HMCN1: variants seen among roughly 807,000 people sequenced by gnomAD.
The protein encoded by HMCN1 is hemicentin-1.
In HMCN1, 321 loss-of-function variants were observed where a neutral mutation model predicts 625.9. The ratio of observed to expected loss-of-function variants is 0.51; its 90% CI spans 0.47 to 0.56. The LOEUF (loss-of-function observed/expected upper bound fraction) is 0.56, where lower values mean the gene tolerates loss of function less well. Ranked by LOEUF, HMCN1 falls within the 20% of genes least tolerant of loss-of-function variation. The pLI is 0.00. For synonymous variants in HMCN1, 2,425 were observed against 2,417.6 expected (o/e 1.00, Z -0.09); for missense variants, 6,588 against 6,887.3 (o/e 0.96, Z 1.54).
intron 11 of HMCN1, among the ~76,000 whole-genome samples, chr1:185,961,590 A>G (rs966521613): frequency 6.6e-6 from 1 of 152,234 alleles, no homozygotes; most frequent in Admixed American, 6.5e-5. Context: ...ATTAGGAGCT[A>G]CTTAATATCT....
At chr1:185,771,070 A>G (rs1204607294) in intron 1 of HMCN1, among the ~76,000 whole-genome samples, 1 of 152,156 alleles carries the variant, frequency 6.6e-6, no homozygotes, top group Non-Finnish European at 1.5e-5. Context: ...TTGTTATTCA[A>G]ATCCCATTTT....
chr1:186,035,296 A>G (rs1655746132), intron 36 of HMCN1, among the ~76,000 whole-genome samples: 1 of 152,152 alleles, frequency 6.6e-6, no homozygotes. Flanking sequence ...TTCTGGGGTG[A>G]GTCTTTAGGA....
intron 4 of HMCN1, among the ~76,000 whole-genome samples, chr1:185,904,117 G>A (rs190067365): frequency 3.4e-4 from 51 of 151,900 alleles, no homozygotes; most frequent in Non-Finnish European, 6.9e-4. Context: ...TCAAATGAAC[G>A]ACAGATTCAA....
chr1:186,007,167 C>G lies in HMCN1; in HGVS notation c.4515C>G (p.Asp1505Glu), dbSNP rs146532107. The stretch of plus-strand genomic sequence containing the variant: ...GCGATCCTAATGTTGAACTTCTAGA[C>G]AGAGGACAAGTCTTACATTTAAAGA... ...FLGDPNVELLDRGQVLHLKNA... is the reference protein window; with the variant it reads ...FLGDPNVELLERGQVLHLKNA... The change falls in exon 30 of 107, where the codon GAC (aspartate) becomes GAG (glutamate). Residue 1505 changes from aspartate to glutamate, a missense_variant. Around this residue, in one of 3 missense-constraint regions of HMCN1, gnomAD observed 4,628 missense variants for 4,853.1 expected, o/e 0.95. Transcript: ENST00000271588. 1.9e-3 allele frequency: 3,036 copies of G among 1,613,014 alleles called. 31 individuals carry two copies. Among genetic ancestry groups the G allele is most frequent in the South Asian group, 0.016 (1,451 of 91,036 alleles).
intron 1 of HMCN1, among the ~76,000 whole-genome samples, chr1:185,815,702 C>T (rs1228844388): frequency 2.7e-5 from 4 of 149,886 alleles, no homozygotes; most frequent in Non-Finnish European, 5.9e-5. Flanking sequence ...TTAGTATGTT[C>T]AGCAACACAT....
intron 97 of HMCN1, among the ~76,000 whole-genome samples, chr1:186,156,136 A>T (rs1336245879): frequency 6.6e-6 from 1 of 152,136 alleles, no homozygotes; most frequent in Non-Finnish European, 1.5e-5. Context: ...AAAATTAATT[A>T]TAAAGTATAT....
At chr1:185,975,319 C>T (rs1558109211) in intron 15 of HMCN1, among the ~76,000 whole-genome samples, 1 of 152,094 alleles carries the variant, frequency 6.6e-6, no homozygotes, top group Non-Finnish European at 1.5e-5. Context: ...GCAGGCTCTA[C>T]AGAAAGCATG....
intron 1 of HMCN1, among the ~76,000 whole-genome samples, chr1:185,814,277 C>T (rs537726018): frequency 1.3e-5 from 2 of 151,946 alleles, no homozygotes; most frequent in Admixed American, 1.3e-4. Flanking sequence ...GTTTTATTCC[C>T]TTACCTTTCA....
At chr1:185,975,303 C>T (rs766002035) in intron 15 of HMCN1, among the ~76,000 whole-genome samples, 21 of 152,134 alleles carry the variant, frequency 1.4e-4, no homozygotes, top group Non-Finnish European at 2.8e-4. Flanking sequence ...ATTGGCTCAC[C>T]GTTCTGCAGG....
rs372050846 is a variant in HMCN1 at position 185,988,099 on chromosome 1, A to T, written c.3048+555A>T. Among the ~76,000 whole-genome samples the T allele has an allele frequency of 7.9e-5, 12 of 152,314 alleles. No homozygotes were observed. The East Asian group carries it at 2.3e-3, about 29-fold the overall frequency. On this transcript the variant is annotated intron_variant, in intron 20 of 106. Coordinates refer to ENST00000271588, the MANE Select transcript of HMCN1 (RefSeq NM_031935.3). ...ATTCAAGTCTCAAGTAGGTGATTTC[A>T]CTAAAGGCCTTTTAAGGTTCCTTCT...
intron 57 of HMCN1, among the ~76,000 whole-genome samples, chr1:186,084,989 C>A (rs1442803434): frequency 6.6e-6 from 1 of 152,046 alleles, no homozygotes; most frequent in East Asian, 1.9e-4. Context: ...AGTTTTATAC[C>A]TGCTTCTCTC....
rs199989516 is a variant in HMCN1 at position 186,088,218 on chromosome 1, T to C, written c.9519T>C (p.Cys3173=). The part of the protein sequence containing the change: ...ETISNPVTLT[C]DATGIPPPTI... ...TCAGCAATCCTGTGACATTAACATG[T>C]GATGCCACTGGGATCCCACCTCCCA... The change falls in exon 62 of 107, where the codon TGT becomes TGC. Residue 3173 remains cysteine (C), a synonymous_variant. Coordinates refer to ENST00000271588, the MANE Select transcript of HMCN1 (RefSeq NM_031935.3). 90 of 1,612,876 alleles carry C rather than the reference T, an allele frequency of 5.6e-5. No individual in the cohort carries two copies. Among genetic ancestry groups the C allele is most frequent in the Non-Finnish European group, 2.8e-5 (33 of 1,179,394 alleles).
intron 4 of HMCN1, among the ~76,000 whole-genome samples, chr1:185,894,169 CA>C (rs1376020595): frequency 3.4e-5 from 5 of 148,754 alleles, no homozygotes; most frequent in Admixed American, 6.6e-5. Flanking sequence ...AAAAACAAAA[CA>C]AAAAAACAGA....
chr1:186,088,622 G>T lies in HMCN1; in HGVS notation c.9594G>T (p.Leu3198=). The T allele has an allele frequency of 6.2e-7, 1 of 1,611,690 alleles. No homozygotes were observed. Among genetic ancestry groups the T allele is most frequent in the South Asian group, 1.1e-5 (1 of 90,968 alleles). ...TACCTCTAGAAAATTCTGACTCACT[G>T]GAAGTTCGTATTTTGTCTGGAGGTA... ...NHKRIENSDS[L]EVRILSGGSK... The change falls in exon 63 of 107, where the codon CTG becomes CTT. Residue 3198 remains leucine, a synonymous_variant. Coordinates refer to ENST00000271588, the MANE Select transcript of HMCN1 (RefSeq NM_031935.3).
chr1:185,905,859 C>G (rs1284680588), intron 4 of HMCN1, among the ~76,000 whole-genome samples: 4 of 151,760 alleles, frequency 2.6e-5, no homozygotes, highest in Non-Finnish European at 5.9e-5. Context: ...TATCAGTTTC[C>G]TCATCTATCA....
In HMCN1 at chr1:186,093,624, C is replaced by T. The variant is rs1299990862; in HGVS notation, c.10151C>T (p.Pro3384Leu). 3.7e-6 allele frequency: 6 copies of T among 1,613,284 alleles called. No homozygotes were observed. Among genetic ancestry groups the T allele is most frequent in the Non-Finnish European group, 5.1e-6 (6 of 1,179,588 alleles). ...INWLKNGLPL[P>L]LSSHIRLLAA... is the part of the protein sequence containing the mutation. ...TGGCTGAAGAATGGACTTCCTCTGC[C>T]TCTCTCCTCCCATATCCGGTTACTG... Residue 3384 changes from proline to leucine, a missense_variant, in exon 66 of 107, where the codon CCT becomes CTT. By Grantham distance (98) the Pro-to-Leu change is moderately conservative (BLOSUM62 -3). Around this residue, in one of 3 missense-constraint regions of HMCN1, gnomAD observed 4,628 missense variants for 4,853.1 expected, o/e 0.95. Transcript: ENST00000271588.
At position 186,189,768 on chromosome 1, in the gene HMCN1, G is replaced by A. The variant is rs1274678114; in HGVS notation, c.16798G>A (p.Ala5600Thr). Reference protein sequence around the residue: ...VVYTTRPLREAETYRMRVRAS... With the variant: ...VVYTTRPLRETETYRMRVRAS... ...GTATACAACACGACCACTACGAGAA[G>A]CAGAGACCTACCGCATGAGGGTCCG... Residue 5600 changes from alanine (A) to threonine (T), a missense_variant, in exon 107 of 107, where the codon GCA becomes ACA. Ala to Thr is a moderately conservative substitution (Grantham distance 58, BLOSUM62 0). Coordinates refer to ENST00000271588, the MANE Select transcript of HMCN1 (RefSeq NM_031935.3). 4.3e-6 allele frequency: 7 copies of A among 1,613,710 alleles called. No individual in the cohort carries two copies. The East Asian group carries it at 1.1e-4, about 26-fold the overall frequency.
At chr1:185,918,046 A>G (rs2102467520) in intron 6 of HMCN1, among the ~76,000 whole-genome samples, 1 of 152,314 alleles carries the variant, frequency 6.6e-6, no homozygotes, top group South Asian at 2.1e-4. Flanking sequence ...TCTCCAGAGG[A>G]CAGAAATAAT....
At chr1:186,151,053 A>G (rs1650631101) in intron 93 of HMCN1, 147 bp from the exon 94 acceptor site, 1 of 724,328 alleles carries the variant, frequency 1.4e-6, no homozygotes, top group South Asian at 1.8e-5. Context: ...AAGCTTATTT[A>G]TTTCACTATT....
Sources: gnomAD v4.1 joint callset for allele counts (sites outside exome capture counted in the v4.1 genomes callset) on GRCh38, gnomAD v4.1.1 for gene constraint, gnomAD v4.1.1 regional missense constraint, MANE v1.5 for transcripts, NCBI Gene and HGNC (gene_info 2026-07-23, HGNC 2026-07-21) for gene names.